The following DGKB variants were observed in gnomAD, a reference collection of about 807,000 sequenced individuals.
DGKB encodes diacylglycerol kinase beta, also known as 90 kDa diacylglycerol kinase.
DGKB carries 67 observed loss-of-function variants against 114.3 expected under a neutral mutation model. That is an observed-to-expected ratio of 0.59 (90% CI 0.48 to 0.72). The LOEUF (loss-of-function observed/expected upper bound fraction) is 0.72. Among genes scored for constraint, DGKB ranks in the 30% least tolerant of loss-of-function variants. The pLI is 0.00. For synonymous variants in DGKB, 398 were observed against 323.1 expected (o/e 1.23, Z -2.49); for missense variants, 907 against 975.2 (o/e 0.93, Z 0.93).
At chr7:14,264,353 G>A (rs1797195241) in intron 23 of DGKB, among the ~76,000 whole-genome samples, 1 of 152,086 alleles carries the variant, frequency 6.6e-6, no homozygotes, top group African/African-American at 2.4e-5. Flanking sequence ...TATTAAATAG[G>A]CCCTAAAGAC....
intron 23 of DGKB, among the ~76,000 whole-genome samples, chr7:14,333,731 G>C (rs372285110): frequency 1.5e-4 from 23 of 152,114 alleles, no homozygotes; most frequent in African/African-American, 5.3e-4. Flanking sequence ...TAACTAAAAT[G>C]GTTCATATTC....
At chr7:14,452,010 C>G (rs1330816177) in intron 21 of DGKB, among the ~76,000 whole-genome samples, 1 of 152,048 alleles carries the variant, frequency 6.6e-6, no homozygotes, top group African/African-American at 2.4e-5. Context: ...ATTTTTGACT[C>G]TTTTCTGAAG....
intron 8 of DGKB, among the ~76,000 whole-genome samples, chr7:14,696,488 C>A (rs1823932104): frequency 9.0e-6 from 1 of 111,154 alleles, no homozygotes; most frequent in Non-Finnish European, 1.7e-5. Flanking sequence ...GGCGACAGAG[C>A]GAGACTCCGT....
intron 23 of DGKB, among the ~76,000 whole-genome samples, chr7:14,250,965 T>C (rs997966477): frequency 4.6e-5 from 7 of 152,216 alleles, no homozygotes; most frequent in Admixed American, 3.9e-4. Context: ...TCTTTTTTAT[T>C]ATTATTTGCA....
At chr7:14,183,218 A>T (rs1403657061) in intron 23 of DGKB, among the ~76,000 whole-genome samples, 1 of 152,206 alleles carries the variant, frequency 6.6e-6, no homozygotes, top group African/African-American at 2.4e-5. Flanking sequence ...AAGGCCAAGG[A>T]ACATATGAAA....
At chr7:14,782,722 T>C (rs1390579448) in intron 2 of DGKB, among the ~76,000 whole-genome samples, 2 of 152,072 alleles carry the variant, frequency 1.3e-5, no homozygotes, top group East Asian at 1.9e-4. Context: ...AAGATCTAGA[T>C]GAGAAAGCCC....
intron 2 of DGKB, among the ~76,000 whole-genome samples, chr7:14,803,284 C>T (rs1343041426): frequency 3.3e-5 from 5 of 152,056 alleles, no homozygotes; most frequent in Non-Finnish European, 5.9e-5. Context: ...GATTTATTTT[C>T]CTCATCTATT....
At chr7:14,150,151 G>T (rs1265625166) in intron 25 of DGKB, among the ~76,000 whole-genome samples, 1 of 151,968 alleles carries the variant, frequency 6.6e-6, no homozygotes, top group Non-Finnish European at 1.5e-5. Flanking sequence ...GGCTAGTGAC[G>T]CTAAGAGTTT....
chr7:14,967,075 G>A (rs115537251), intron 1 of DGKB, among the ~76,000 whole-genome samples: 1,966 of 152,168 alleles, frequency 0.013, 36 homozygotes, highest in African/African-American at 0.043. Flanking sequence ...ATGGTTTATG[G>A]TAGTTATTGG....
At chr7:14,666,172 T>C (rs1357588622) in intron 13 of DGKB, among the ~76,000 whole-genome samples, 1 of 152,044 alleles carries the variant, frequency 6.6e-6, no homozygotes, top group African/African-American at 2.4e-5. Flanking sequence ...GATAACATCA[T>C]GATAAACAGA....
intron 4 of DGKB, 147 bp downstream of exon 4, chr7:14,753,781 A>G: frequency 1.7e-6 from 1 of 598,202 alleles, no homozygotes; most frequent in Admixed American, 3.5e-5. Context: ...GCTTAGTTAT[A>G]ACCTATGAGT....
chr7:14,787,295 C>A (rs1840041181), intron 2 of DGKB, among the ~76,000 whole-genome samples: 1 of 152,158 alleles, frequency 6.6e-6, no homozygotes, highest in Admixed American at 6.6e-5. Flanking sequence ...TAGCATTTCA[C>A]AAGCAATGCA....
At chr7:14,909,754 A>G (rs1783889485) in intron 1 of DGKB, among the ~76,000 whole-genome samples, 1 of 152,206 alleles carries the variant, frequency 6.6e-6, no homozygotes, top group Admixed American at 6.5e-5. Flanking sequence ...GATTTATCTA[A>G]AAATGGCTTT....
chr7:14,489,874 T>A (rs114191462), intron 20 of DGKB, among the ~76,000 whole-genome samples: 3,252 of 152,202 alleles, frequency 0.021, 95 homozygotes, highest in African/African-American at 0.072. Context: ...CGCGGGAGGA[T>A]ATAAGCCTGC....
At chr7:14,289,578 GAAT>G (rs1001885316) in intron 23 of DGKB, among the ~76,000 whole-genome samples, 4 of 151,956 alleles carry the variant, frequency 2.6e-5, no homozygotes, top group Admixed American at 2.0e-4. Context: ...TGATTTGAAA[GAAT>G]AATGTGTTAT....
intron 1 of DGKB, among the ~76,000 whole-genome samples, chr7:14,853,022 C>G (rs114375055): frequency 0.012 from 1,848 of 152,230 alleles, 31 homozygotes; most frequent in African/African-American, 0.041. Flanking sequence ...TTCCTGGAAA[C>G]TGATGATTGC....
At chr7:14,419,420 T>C (rs2128760394) in intron 21 of DGKB, among the ~76,000 whole-genome samples, 1 of 152,092 alleles carries the variant, frequency 6.6e-6, no homozygotes, top group South Asian at 2.1e-4. Context: ...GTTTTGGAGA[T>C]ATAAACTTTG....
At chr7:14,603,092 C>A (rs1395343648) in intron 17 of DGKB, among the ~76,000 whole-genome samples, 1 of 152,064 alleles carries the variant, frequency 6.6e-6, no homozygotes, top group Non-Finnish European at 1.5e-5. Context: ...ATTATGTGAC[C>A]TTATTCATTG....
intron 20 of DGKB, among the ~76,000 whole-genome samples, chr7:14,485,255 C>T (rs1318557510): frequency 6.6e-6 from 1 of 151,176 alleles, no homozygotes; most frequent in African/African-American, 2.4e-5. Context: ...CTGGACTTTA[C>T]TCTGCTAGAT....
Sources: gnomAD v4.1 joint callset for allele counts (sites outside exome capture counted in the v4.1 genomes callset) on GRCh38, gnomAD v4.1.1 for gene constraint, MANE v1.5 for transcripts, NCBI Gene and HGNC (gene_info 2026-07-23, HGNC 2026-07-21) for gene names.